The following PLEKHG3 variants were observed in gnomAD, a reference collection of about 807,000 sequenced individuals.
PLEKHG3 encodes pleckstrin homology and RhoGEF domain containing G3.
In PLEKHG3, 62 loss-of-function variants were observed where a neutral mutation model predicts 94.9. The observed-to-expected ratio is 0.65, with a 90% CI of 0.53 to 0.81. The LOEUF (loss-of-function observed/expected upper bound fraction) is 0.81. PLEKHG3 is among the 30% of genes least tolerant of loss of function. PLEKHG3 has a pLI of 0.00. For synonymous variants in PLEKHG3, 614 were observed against 654.0 expected, an observed-to-expected ratio of 0.94 and a Z score of 0.93; for missense variants, 1,461 against 1,619.3, an observed-to-expected ratio of 0.90 and a Z score of 1.68.
In PLEKHG3 at chr14:64,725,078, C is replaced by CATT. The variant is rs1243452309; in HGVS notation, c.-39-2513_-39-2512insTAT. Reference sequence around the variant, plus strand: ...AGAAAACTTCTGTAAGTAGAAAAGACATATTAGTTTCTGGGTTTGAAGTGT... The same window carrying CATT: ...AGAAAACTTCTGTAAGTAGAAAAGACATTATATTAGTTTCTGGGTTTGAAGTGT... On this transcript the variant is annotated intron_variant, in intron 1 of 16. Transcript: ENST00000247226. The surrounding 1 kb of genome is among the most constrained non-coding windows in gnomAD (Gnocchi z 5.0). 1.3e-5 allele frequency among the ~76,000 whole-genome samples: 2 copies of CATT among 152,160 alleles called. No homozygotes were observed. The highest frequency in any genetic ancestry group is 2.9e-5 in the Non-Finnish European group (2 of 68,034).
In PLEKHG3 at chr14:64,732,705, TG is replaced by T. The variant is rs986636574; in HGVS notation, c.1247-95del. Reference sequence around the variant, plus strand: ...CTCTGGAGGCTCCTGGCCCTGGAGCTGGGTGGGTATAGAGGTCTGGCTGGTT... The same window carrying T: ...CTCTGGAGGCTCCTGGCCCTGGAGCTGGTGGGTATAGAGGTCTGGCTGGTT... On this transcript the variant is annotated intron_variant, in intron 11 of 16. Transcript: ENST00000247226. This position sits in a 1 kb window ranked among gnomAD's most constrained non-coding sequence, Gnocchi z 4.9. 3.2e-5 allele frequency: 29 copies of T among 913,114 alleles called. No individual in the cohort carries two copies. The highest frequency in any genetic ancestry group is 4.8e-5 in the Non-Finnish European group (28 of 588,152). 56.6% of individuals were successfully genotyped at this position (913,114 alleles called of 1,614,324 possible). A position where few individuals can be genotyped will look rare whatever the true frequency, so the allele number is the denominator to read the frequency against.
At position 64,741,240 on chromosome 14, in the gene PLEKHG3, C is replaced by T; in HGVS notation, c.1723C>T (p.Leu575=). The T allele has an allele frequency of 3.7e-6, 6 of 1,614,042 alleles. No individual in the cohort carries two copies. The highest frequency in any genetic ancestry group is 3.4e-6 in the Non-Finnish European group (4 of 1,180,000). ...AAESTEDLKA[L]SSEEEEEMGG... is the part of the protein sequence containing the mutation. ...TGAGAGCACTGAGGACCTTAAGGCC[C>T]TGAGCAGCGAGGAGGAAGAAGAAAT... is the stretch of plus-strand genomic sequence containing the variant. Residue 575 remains leucine, a synonymous_variant, in exon 16 of 17, where the codon CTG becomes TTG. Transcript: ENST00000247226.
At chr14:64,710,837 G>A (rs1453844123) in intron 1 of PLEKHG3, among the ~76,000 whole-genome samples, 2 of 151,618 alleles carry the variant, frequency 1.3e-5, no homozygotes, top group East Asian at 1.9e-4. Flanking sequence ...GGAGGGAGGG[G>A]GTGTGGAGGG....
chr14:64,728,124 G>GAGGCT lies in PLEKHG3; in HGVS notation c.351+142_351+143insAGGCT. The stretch of plus-strand genomic sequence containing the variant: ...CCTCGCTGACTGCACTGTGAAAGCT[G>GAGGCT]TTGACCCCTGAGGCTTCCCTAGGAC... On this transcript the variant is annotated intron_variant, in intron 2 of 16. Coordinates refer to ENST00000247226, the MANE Select transcript of PLEKHG3 (RefSeq NM_001308147.2). The surrounding 1 kb of genome is among the most constrained non-coding windows in gnomAD (Gnocchi z 5.9). 8.2e-6 allele frequency: 5 copies of GAGGCT among 608,860 alleles called. No individual in the cohort carries two copies. Among genetic ancestry groups the GAGGCT allele is most frequent in the South Asian group, 4.4e-5 (2 of 45,880 alleles). 37.7% of individuals were successfully genotyped at this position (608,860 alleles called of 1,614,324 possible).
chr14:64,736,348 C>T (rs1038700249), intron 12 of PLEKHG3, among the ~76,000 whole-genome samples: 8 of 152,254 alleles, frequency 5.3e-5, no homozygotes, highest in Non-Finnish European at 1.2e-4. Context: ...TTCGTGATGC[C>T]CAGCCTTAAG....
rs1269288195 is a variant in PLEKHG3, at chr14:64,717,229, G to T, written c.-39-10364G>T. Reference sequence around the variant, plus strand: ...ACCAAGCCCAAGGTCAGAGCCCAGGGCAAAGAAAGGGGATGTGTTGGAGCT... The same window carrying T: ...ACCAAGCCCAAGGTCAGAGCCCAGGTCAAAGAAAGGGGATGTGTTGGAGCT... On this transcript the variant is annotated intron_variant, in intron 1 of 16. Coordinates refer to ENST00000247226, the MANE Select transcript of PLEKHG3 (RefSeq NM_001308147.2). The surrounding 1 kb of genome is among the most constrained non-coding windows in gnomAD (Gnocchi z 4.7). Among the ~76,000 whole-genome samples the T allele has an allele frequency of 1.3e-5, 2 of 152,140 alleles. No individual in the cohort carries two copies.
rs2081240228 is a variant in PLEKHG3, at chr14:64,720,277, C to T, written c.-39-7316C>T. Among the ~76,000 whole-genome samples, 1 of 152,206 alleles carries T rather than the reference C, an allele frequency of 6.6e-6. No individual in the cohort carries two copies. The highest frequency in any genetic ancestry group is 2.1e-4 in the South Asian group (1 of 4,836). ...GGGCAGCTATGCCGTGCTCTAGCTC[C>T]CTGTCTGGGGCCAAGTAGGATGGGA... On this transcript the variant is annotated intron_variant, in intron 1 of 16. Coordinates refer to ENST00000247226, the MANE Select transcript of PLEKHG3 (RefSeq NM_001308147.2). This position sits in a 1 kb window ranked among gnomAD's most constrained non-coding sequence, Gnocchi z 4.1.
rs761867953 is a variant in PLEKHG3, at chr14:64,743,425, G to A, written c.3382G>A (p.Glu1128Lys). The A allele has an allele frequency of 1.2e-6, 2 of 1,612,404 alleles. No individual in the cohort carries two copies. Among genetic ancestry groups the A allele is most frequent in the East Asian group, 2.2e-5 (1 of 44,854 alleles). Residue 1128 changes from glutamate to lysine, a missense_variant, in exon 17 of 17, where the codon GAG becomes AAG. This residue lies in a region of PLEKHG3 where 1,201 missense variants were observed against 1,295.5 expected (regional missense o/e 0.93). Coordinates refer to ENST00000247226, the MANE Select transcript of PLEKHG3 (RefSeq NM_001308147.2). The surrounding 1 kb of genome is among the most constrained non-coding windows in gnomAD (Gnocchi z 7.2). Reference protein sequence around the residue: ...PLPQSKPDGGETLYVTADLTL... With the variant: ...PLPQSKPDGGKTLYVTADLTL... The stretch of plus-strand genomic sequence containing the variant: ...GCCCCAGAGCAAGCCGGATGGAGGC[G>A]AGACCCTGTATGTCACTGCAGACCT...
In PLEKHG3 at chr14:64,716,506, C is replaced by CA. The variant is rs1555359442; in HGVS notation, c.-39-11086dup. Among the ~76,000 whole-genome samples the CA allele has an allele frequency of 7.7e-6, 1 of 129,848 alleles. No individual in the cohort carries two copies. The highest frequency in any genetic ancestry group is 3.2e-5 in the African/African-American group (1 of 31,724). 85.2% of individuals were successfully genotyped at this position (129,848 alleles called of 152,430 possible). A position where few individuals can be genotyped will look rare whatever the true frequency, so the allele number is the denominator to read the frequency against. On this transcript the variant is annotated intron_variant, in intron 1 of 16. Transcript: ENST00000247226. This position sits in a 1 kb window ranked among gnomAD's most constrained non-coding sequence, Gnocchi z 5.0. Reference sequence around the variant, plus strand: ...AACACACACACACACAACACACACACACACACACACACACACACACACACA... The same window carrying CA: ...AACACACACACACACAACACACACACAACACACACACACACACACACACACA...
chr14:64,708,586 A>G (rs1230062761), intron 1 of PLEKHG3, among the ~76,000 whole-genome samples: 1 of 151,816 alleles, frequency 6.6e-6, no homozygotes, highest in Non-Finnish European at 1.5e-5. Flanking sequence ...CACAATGAGA[A>G]CTCAGGGTCG....
rs373083192 is a variant in PLEKHG3, at chr14:64,734,288, C to A, written c.1345+1387C>A. Among the ~76,000 whole-genome samples, 10 of 152,200 alleles carry A rather than the reference C, an allele frequency of 6.6e-5. 1 individual carries two copies. The highest frequency in any genetic ancestry group is 5.9e-4 in the Admixed American group (9 of 15,254). ...AGCCCTCTTTCTTTTCTCTTCTCTT[C>A]TCTTTTCTTTTCTTCTCCTGTAATT... On this transcript the variant is annotated intron_variant, in intron 12 of 16. Transcript: ENST00000247226.
In PLEKHG3 at chr14:64,738,959, A is replaced by G; in HGVS notation, c.1518+104A>G. ...AGGCACAGGCTCTCCCACTGGGCCC[A>G]TGGGAACAGAGATTCCCCACCTCCC... On this transcript the variant is annotated intron_variant, in intron 15 of 16. Transcript: ENST00000247226. The surrounding 1 kb of genome is among the most constrained non-coding windows in gnomAD (Gnocchi z 4.8). 1.4e-6 allele frequency: 1 copy of G among 725,924 alleles called. No individual in the cohort carries two copies. Among genetic ancestry groups the G allele is most frequent in the Non-Finnish European group, 2.4e-6 (1 of 409,970 alleles). The allele number at this position is 725,924 out of a possible 1,614,324, so 45.0% of individuals were successfully genotyped here.
rs1040963967 is a variant in PLEKHG3 at position 64,717,803 on chromosome 14, G to A, written c.-39-9790G>A. The stretch of plus-strand genomic sequence containing the variant: ...TTCTTGAACACTCCCTGGCTCTAGG[G>A]ACACCTGCAGCCACAGCCCATATCA... On this transcript the variant is annotated intron_variant, in intron 1 of 16. Coordinates refer to ENST00000247226, the MANE Select transcript of PLEKHG3 (RefSeq NM_001308147.2). The surrounding 1 kb of genome is among the most constrained non-coding windows in gnomAD (Gnocchi z 4.7). Among the ~76,000 whole-genome samples, 1 of 152,206 alleles carries A rather than the reference G, an allele frequency of 6.6e-6. No homozygotes were observed. Among genetic ancestry groups the A allele is most frequent in the African/African-American group, 2.4e-5 (1 of 41,446 alleles).
In PLEKHG3 at chr14:64,731,204, G is replaced by T. The variant is rs375831848; in HGVS notation, c.849+35G>T. 5.7e-6 allele frequency: 9 copies of T among 1,568,612 alleles called. No individual in the cohort carries two copies. The highest frequency in any genetic ancestry group is 1.1e-5 in the South Asian group (1 of 88,026). The stretch of plus-strand genomic sequence containing the variant: ...GGCTGGGACGCTGGGGGAGGGGCAG[G>T]GCTGGGTGGGCCAGGCTTCCGCTGG... On this transcript the variant is annotated intron_variant, in intron 7 of 16. Transcript: ENST00000247226. This position sits in a 1 kb window ranked among gnomAD's most constrained non-coding sequence, Gnocchi z 6.1.
rs2081917283 is a variant in PLEKHG3 at position 64,749,873 on chromosome 14, G to A, written c.*6170G>A. On this transcript the variant is annotated 3_prime_UTR_variant, in exon 17 of 17. Transcript: ENST00000247226. The surrounding 1 kb of genome is among the most constrained non-coding windows in gnomAD (Gnocchi z 4.7). ...AGCCTCTTTGATTTGAAAAACCCCT[G>A]AGGAGCAGCTCAGGCCTGGCACTGG... 6.5e-7 allele frequency: 1 copy of A among 1,537,778 alleles called. No individual in the cohort carries two copies. Among genetic ancestry groups the A allele is most frequent in the Non-Finnish European group, 9.0e-7 (1 of 1,113,362 alleles).
rs1012368121 is a variant in PLEKHG3, at chr14:64,738,453, TG to T, written c.1405-285del. On this transcript the variant is annotated intron_variant, in intron 14 of 16. Coordinates refer to ENST00000247226, the MANE Select transcript of PLEKHG3 (RefSeq NM_001308147.2). This position sits in a 1 kb window ranked among gnomAD's most constrained non-coding sequence, Gnocchi z 4.8. The stretch of plus-strand genomic sequence containing the variant: ...CGCCCAACAAGCATGACAAGTGGGG[TG>T]GGGTGGTGGGGGCAGGGAGAAGCTA... Among the ~76,000 whole-genome samples the T allele has an allele frequency of 6.6e-5, 10 of 151,188 alleles. No individual in the cohort carries two copies. Among genetic ancestry groups the T allele is most frequent in the African/African-American group, 2.2e-4 (9 of 40,992 alleles).
At chr14:64,719,675 A>G (rs1190731222) in intron 1 of PLEKHG3, among the ~76,000 whole-genome samples, 1 of 151,890 alleles carries the variant, frequency 6.6e-6, no homozygotes, top group Non-Finnish European at 1.5e-5. Context: ...GCCCCTCCAC[A>G]CCCACTTGGT....
rs544020128 is a variant in PLEKHG3, at chr14:64,730,506, G to C, written c.520-136G>C. On this transcript the variant is annotated intron_variant, in intron 4 of 16. Coordinates refer to ENST00000247226, the MANE Select transcript of PLEKHG3 (RefSeq NM_001308147.2). This position sits in a 1 kb window ranked among gnomAD's most constrained non-coding sequence, Gnocchi z 5.4. Reference sequence around the variant, plus strand: ...GTGGATGGGATGTCCTTGACAAATAGGTATAAAGATGGCTCTGTAGGCATT... The same window carrying C: ...GTGGATGGGATGTCCTTGACAAATACGTATAAAGATGGCTCTGTAGGCATT... 1 of 772,362 alleles carries C rather than the reference G, an allele frequency of 1.3e-6. No individual in the cohort carries two copies. The highest frequency in any genetic ancestry group is 1.6e-5 in the South Asian group (1 of 61,878). 47.8% of individuals were successfully genotyped at this position (772,362 alleles called of 1,614,324 possible).
chr14:64,749,230 C>T lies in PLEKHG3; in HGVS notation c.*5527C>T, dbSNP rs867043971. 3 of 1,502,402 alleles carry T rather than the reference C, an allele frequency of 2.0e-6. No individual in the cohort carries two copies. Among genetic ancestry groups the T allele is most frequent in the Non-Finnish European group, 1.8e-6 (2 of 1,120,180 alleles). 93.1% of individuals were successfully genotyped at this position (1,502,402 alleles called of 1,614,324 possible). A position where few individuals can be genotyped will look rare whatever the true frequency, so the allele number is the denominator to read the frequency against. ...TCATCTCGATTCGACCGGCGGGCGG[C>T]GGCGAGAGGAGGCCAAGGCCTGGGC... On this transcript the variant is annotated 3_prime_UTR_variant, in exon 17 of 17. Coordinates refer to ENST00000247226, the MANE Select transcript of PLEKHG3 (RefSeq NM_001308147.2). The surrounding 1 kb of genome is among the most constrained non-coding windows in gnomAD (Gnocchi z 4.7).
Sources: gnomAD v4.1 joint callset for allele counts (sites outside exome capture counted in the v4.1 genomes callset) on GRCh38, gnomAD v4.1.1 for gene constraint, gnomAD v4.1.1 regional missense constraint, Gnocchi (gnomAD v3.1) non-coding constraint, MANE v1.5 for transcripts, NCBI Gene and HGNC (gene_info 2026-07-23, HGNC 2026-07-21) for gene names.